The following LPP variants were observed in gnomAD, a reference collection of about 807,000 sequenced individuals.
The protein encoded by LPP is LIM domain containing preferred translocation partner in lipoma, also known as lipoma-preferred partner.
Under a neutral mutation model 60.4 loss-of-function variants are expected in LPP, and 38 were observed. That is an observed-to-expected ratio of 0.63 (90% CI 0.49 to 0.83). The LOEUF (loss-of-function observed/expected upper bound fraction) is 0.83. Among genes scored for constraint, LPP ranks in the 40% least tolerant of loss-of-function variants. The probability of loss-of-function intolerance (pLI) is 0.00; values close to 1 mark genes in which losing one functional copy is unlikely to be tolerated. For synonymous variants in LPP, 328 were observed against 290.8 expected, an observed-to-expected ratio of 1.13 and a Z score of -1.30; for missense variants, 902 against 783.6, an observed-to-expected ratio of 1.15 and a Z score of -1.80.
chr3:188,430,780 A>G (rs2149144226), intron 4 of LPP, among the ~76,000 whole-genome samples: 1 of 152,290 alleles, frequency 6.6e-6, no homozygotes, highest in South Asian at 2.1e-4. Context: ...AGTTCAGTAA[A>G]GTTGAAAATG....
intron 6 of LPP, among the ~76,000 whole-genome samples, chr3:188,564,994 C>T (rs915251609): frequency 1.3e-5 from 2 of 151,962 alleles, no homozygotes; most frequent in African/African-American, 4.8e-5. Flanking sequence ...CATTCCATCT[C>T]TGCTCCCAGC....
chr3:188,649,496 G>A (rs775147949), intron 7 of LPP, among the ~76,000 whole-genome samples: 22 of 152,178 alleles, frequency 1.4e-4, no homozygotes, highest in African/African-American at 2.4e-4. Context: ...AGAACTCAGA[G>A]CTCCTGCAGT....
intron 2 of LPP, among the ~76,000 whole-genome samples, chr3:188,303,929 A>T (rs771729595): frequency 1.3e-5 from 2 of 152,194 alleles, no homozygotes; most frequent in African/African-American, 4.8e-5. Flanking sequence ...AAGGACTAGT[A>T]TCAACTAGTA....
At chr3:188,462,588 A>ATATG (rs1799357061) in intron 4 of LPP, among the ~76,000 whole-genome samples, 1 of 58,258 alleles carries the variant, frequency 1.7e-5, no homozygotes, top group Non-Finnish European at 3.2e-5. Flanking sequence ...ATATATATGC[A>ATATG]TGTGTGTGTG....
At chr3:188,682,678 T>C (rs1859789756) in intron 7 of LPP, among the ~76,000 whole-genome samples, 1 of 152,268 alleles carries the variant, frequency 6.6e-6, no homozygotes, top group East Asian at 1.9e-4. Flanking sequence ...GCAAGCGGAG[T>C]AAACACCCAT....
chr3:188,360,268 T>C, intron 3 of LPP, among the ~76,000 whole-genome samples: 1 of 152,186 alleles, frequency 6.6e-6, no homozygotes, highest in Non-Finnish European at 1.5e-5. Flanking sequence ...TGGGAGAATT[T>C]GTATTGCACT....
At chr3:188,588,267 C>T (rs748545581) in intron 6 of LPP, among the ~76,000 whole-genome samples, 27 of 152,278 alleles carry the variant, frequency 1.8e-4, no homozygotes, top group Middle Eastern at 3.4e-3. Context: ...TGTGTCCTTA[C>T]TCTTAATGAA....
At chr3:188,281,545 A>G (rs905102636) in intron 2 of LPP, among the ~76,000 whole-genome samples, 1 of 141,846 alleles carries the variant, frequency 7.0e-6, no homozygotes, top group African/African-American at 2.6e-5. Context: ...CGGAGGTTTC[A>G]GTGAACTGAG....
chr3:188,266,761 C>G (rs1017426256), intron 2 of LPP, among the ~76,000 whole-genome samples: 1 of 152,114 alleles, frequency 6.6e-6, no homozygotes, highest in African/African-American at 2.4e-5. Context: ...GGTGGCTCTC[C>G]AAGCATTCCA....
chr3:188,419,825 G>A (rs938351694), intron 4 of LPP, among the ~76,000 whole-genome samples: 15 of 152,172 alleles, frequency 9.9e-5, no homozygotes, highest in African/African-American at 3.1e-4. Flanking sequence ...AGAAGGTGGA[G>A]GTTGCTGTAA....
At chr3:188,267,154 C>T (rs1177474459) in intron 2 of LPP, among the ~76,000 whole-genome samples, 2 of 152,194 alleles carry the variant, frequency 1.3e-5, no homozygotes, top group East Asian at 1.9e-4. Context: ...GTTCCTGGAA[C>T]ATTCTGTTCC....
intron 2 of LPP, among the ~76,000 whole-genome samples, chr3:188,250,808 C>CTTTCTTTCTCTTTCTT (rs749622593): frequency 0.011 from 1,399 of 132,004 alleles, 20 homozygotes; most frequent in African/African-American, 0.013. Context: ...TTCTTTCTTT[C>CTTTCTTTCTCTTTCTT]TCTTTCTTTC....
Position 188,885,962 on chromosome 3 carries a change from T to C in LPP, c.*11483T>C, listed in dbSNP as rs1167251962. On this transcript the variant is annotated 3_prime_UTR_variant, in exon 12 of 12. Coordinates refer to ENST00000617246, the MANE Select transcript of LPP (RefSeq NM_001375462.1). Reference sequence around the variant, plus strand: ...CTTTTGAGAAGTGTCTGTTCAATACTATGCAGCCATAAAAAATGATGAGTT... The same window carrying C: ...CTTTTGAGAAGTGTCTGTTCAATACCATGCAGCCATAAAAAATGATGAGTT... 2 of 152,160 alleles carry C rather than the reference T, an allele frequency of 1.3e-5. No homozygotes were observed. Among genetic ancestry groups the C allele is most frequent in the African/African-American group, 4.8e-5 (2 of 41,450 alleles). 9.4% of individuals were successfully genotyped at this position (152,160 alleles called of 1,614,324 possible). A position where few individuals can be genotyped will look rare whatever the true frequency, so the allele number is the denominator to read the frequency against.
In LPP at chr3:188,182,989, G is replaced by A. The variant is rs888453874; in HGVS notation, c.-190+28737G>A. Among the ~76,000 whole-genome samples the A allele has an allele frequency of 7.6e-6, 1 of 131,146 alleles. No individual in the cohort carries two copies. Among genetic ancestry groups the A allele is most frequent in the Non-Finnish European group, 1.7e-5 (1 of 58,664 alleles). The allele number at this position is 131,146 out of a possible 152,430, so 86.0% of individuals were successfully genotyped here. Reference sequence around the variant, plus strand: ...GTCTAGGCCAGCATCCTATTGTACAGATGAGAAAGGTGAGGCCCAAAGAGG... The same window carrying A: ...GTCTAGGCCAGCATCCTATTGTACAAATGAGAAAGGTGAGGCCCAAAGAGG... On this transcript the variant is annotated intron_variant, in intron 1 of 11. Transcript: ENST00000617246. The surrounding 1 kb of genome is among the most constrained non-coding windows in gnomAD (Gnocchi z 4.4).
intron 3 of LPP, among the ~76,000 whole-genome samples, chr3:188,344,225 A>G (rs1184786971): frequency 6.6e-6 from 1 of 152,224 alleles, no homozygotes; most frequent in Non-Finnish European, 1.5e-5. Flanking sequence ...ACTTGTCTAT[A>G]TTGCCAGAGT....
At chr3:188,160,703 A>G (rs904587783) in intron 1 of LPP, among the ~76,000 whole-genome samples, 1 of 152,202 alleles carries the variant, frequency 6.6e-6, no homozygotes, top group African/African-American at 2.4e-5. Flanking sequence ...TGAGTTCGGT[A>G]CTTGTGTACA....
At chr3:188,783,347 A>G (rs1560198532) in intron 9 of LPP, among the ~76,000 whole-genome samples, 1 of 152,208 alleles carries the variant, frequency 6.6e-6, no homozygotes, top group Admixed American at 6.5e-5. Flanking sequence ...AATGTGGTAC[A>G]TATACCCCAC....
intron 2 of LPP, among the ~76,000 whole-genome samples, chr3:188,296,478 C>T (rs1184619590): frequency 1.3e-5 from 2 of 152,140 alleles, no homozygotes; most frequent in African/African-American, 4.8e-5. Flanking sequence ...AGATAGTGCA[C>T]ATTTAGTGTG....
intron 1 of LPP, among the ~76,000 whole-genome samples, chr3:188,224,844 A>C (rs1714523542): frequency 6.6e-6 from 1 of 152,162 alleles, no homozygotes; most frequent in Non-Finnish European, 1.5e-5. Context: ...CCCATCATCC[A>C]ATCACCTCTG....
Sources: gnomAD v4.1 joint callset for allele counts (sites outside exome capture counted in the v4.1 genomes callset) on GRCh38, gnomAD v4.1.1 for gene constraint, Gnocchi (gnomAD v3.1) non-coding constraint, MANE v1.5 for transcripts, NCBI Gene and HGNC (gene_info 2026-07-23, HGNC 2026-07-21) for gene names.